PGR: variants seen among roughly 807,000 people sequenced by gnomAD.
PGR encodes nuclear receptor subfamily 3 group C member 3.
PGR carries 25 observed loss-of-function variants against 76.1 expected under a neutral mutation model. That is an observed-to-expected ratio of 0.33 (90% CI 0.24 to 0.46). The LOEUF is 0.46. Ranked by LOEUF, PGR falls within the 20% of genes least tolerant of loss-of-function variation. The probability of loss-of-function intolerance (pLI) is 1.00; values close to 1 mark genes in which losing one functional copy is unlikely to be tolerated. For synonymous variants in PGR, 579 were observed against 535.0 expected, an observed-to-expected ratio of 1.08 and a Z score of -1.14; for missense variants, 1,172 against 1,225.3, an observed-to-expected ratio of 0.96 and a Z score of 0.65.
chr11:101,080,607 G>A (rs1478228282), intron 3 of PGR, among the ~76,000 whole-genome samples: 1 of 152,126 alleles, frequency 6.6e-6, no homozygotes, highest in East Asian at 1.9e-4. Context: ...CTAAGGGATT[G>A]CACTAGCTTT....
At chr11:101,044,997 A>G (rs1184999767) in intron 6 of PGR, among the ~76,000 whole-genome samples, 1 of 152,044 alleles carries the variant, frequency 6.6e-6, no homozygotes, top group African/African-American at 2.4e-5. Flanking sequence ...TTGAGCCACC[A>G]TGCCCAGCCT....
intron 2 of PGR, among the ~76,000 whole-genome samples, chr11:101,105,626 C>A (rs1862132637): frequency 6.6e-6 from 1 of 151,234 alleles, no homozygotes. Flanking sequence ...TAGGAAGAAT[C>A]AATGTAGTGA....
At chr11:101,120,833 A>G (rs1862649679) in intron 2 of PGR, among the ~76,000 whole-genome samples, 1 of 152,200 alleles carries the variant, frequency 6.6e-6, no homozygotes, top group African/African-American at 2.4e-5. Context: ...TTAAAGTACA[A>G]TGATTCAGTG....
At position 101,129,085 on chromosome 11, in the gene PGR, C is replaced by T. The variant is rs1402020762; in HGVS notation, c.-15G>A. On this transcript the variant is annotated 5_prime_UTR_variant, in exon 1 of 8. Coordinates refer to ENST00000325455, the MANE Select transcript of PGR (RefSeq NM_000926.4). ...AGCTCAGTCATGACGACTGGACTCC[C>T]CTTTTCTCCTCCCCCGTCTCCAGGA... The T allele has an allele frequency of 5.3e-6, 8 of 1,496,222 alleles. No individual in the cohort carries two copies. Among genetic ancestry groups the T allele is most frequent in the Middle Eastern group, 1.8e-4 (1 of 5,702 alleles). The allele number at this position is 1,496,222 out of a possible 1,614,324, so 92.7% of individuals were successfully genotyped here.
chr11:101,033,296 G>C lies in PGR; in HGVS notation c.*5820C>G, dbSNP rs1186954750. 4.9e-6 allele frequency: 1 copy of C among 204,638 alleles called. No individual in the cohort carries two copies. Among genetic ancestry groups the C allele is most frequent in the Non-Finnish European group, 1.0e-5 (1 of 99,998 alleles). 12.7% of individuals were successfully genotyped at this position (204,638 alleles called of 1,614,324 possible). A position where few individuals can be genotyped will look rare whatever the true frequency, so the allele number is the denominator to read the frequency against. On this transcript the variant is annotated 3_prime_UTR_variant, in exon 8 of 8. Coordinates refer to ENST00000325455, the MANE Select transcript of PGR (RefSeq NM_000926.4). ...TTCTACCTTATGGAGAACAAGCAGA[G>C]CCACATCTCTGTTTCAACAAGAATA... is the stretch of plus-strand genomic sequence containing the variant.
At chr11:101,102,711 C>T (rs982388846) in intron 2 of PGR, among the ~76,000 whole-genome samples, 2 of 152,076 alleles carry the variant, frequency 1.3e-5, no homozygotes, top group African/African-American at 4.8e-5. Flanking sequence ...GACCAATATA[C>T]TAAGCATTTA....
At chr11:101,048,854 A>C (rs1859984713) in intron 6 of PGR, among the ~76,000 whole-genome samples, 1 of 152,046 alleles carries the variant, frequency 6.6e-6, no homozygotes, top group South Asian at 2.1e-4. Flanking sequence ...TAGTTTTTTA[A>C]CTTTTTGACT....
intron 4 of PGR, 97 bp from the exon 5 acceptor site, chr11:101,051,665 G>A: frequency 2.3e-6 from 2 of 877,828 alleles, no homozygotes; most frequent in South Asian, 1.4e-5. Context: ...GGTATGCGTA[G>A]GGTAATAAAA....
chr11:101,036,203 A>G lies in PGR; in HGVS notation c.*2913T>C, dbSNP rs892124944. On this transcript the variant is annotated 3_prime_UTR_variant, in exon 8 of 8. Coordinates refer to ENST00000325455, the MANE Select transcript of PGR (RefSeq NM_000926.4). ...AAGGCATAGTTTTGGCAAAAAAAAT[A>G]TTGTTCATCATATTTCCATATCATC... The G allele has an allele frequency of 2.3e-5, 5 of 221,070 alleles. No individual in the cohort carries two copies. Among genetic ancestry groups the G allele is most frequent in the Admixed American group, 5.8e-5 (1 of 17,356 alleles). 13.7% of individuals were successfully genotyped at this position (221,070 alleles called of 1,614,324 possible). A position where few individuals can be genotyped will look rare whatever the true frequency, so the allele number is the denominator to read the frequency against.
chr11:101,052,341 T>C (rs1282518789), intron 4 of PGR, among the ~76,000 whole-genome samples: 1 of 151,084 alleles, frequency 6.6e-6, no homozygotes, highest in African/African-American at 2.4e-5. Context: ...ATGGTGTGAA[T>C]GCTTTGGTCT....
At chr11:101,046,374 A>G (rs1859888452) in intron 6 of PGR, among the ~76,000 whole-genome samples, 1 of 135,154 alleles carries the variant, frequency 7.4e-6, no homozygotes, top group Non-Finnish European at 1.5e-5. Context: ...GCTGGTCTCA[A>G]ACTCCTGGGT....
chr11:101,078,475 G>T (rs1052510774), intron 3 of PGR, among the ~76,000 whole-genome samples: 3 of 152,042 alleles, frequency 2.0e-5, no homozygotes, highest in Non-Finnish European at 4.4e-5. Context: ...TTTTTTGTGA[G>T]TCATTAAACA....
chr11:101,062,407 A>G (rs936656256), intron 4 of PGR, 40 bp downstream of exon 4: 2 of 1,426,916 alleles, frequency 1.4e-6, no homozygotes, highest in Non-Finnish European at 2.0e-6. Context: ...CAAACATAGT[A>G]TATTTTTTAT....
Position 101,060,563 on chromosome 11 carries a change from C to A in PGR, c.2212+1884G>T, listed in dbSNP as rs1860455183. On this transcript the variant is annotated intron_variant, in intron 4 of 7. Transcript: ENST00000325455. ...GTAGCTAATAATACTAAAGTACTTTCTATACATGTGTCCATCCAAGTCCTT... is the reference window on the plus strand; with the variant it reads ...GTAGCTAATAATACTAAAGTACTTTATATACATGTGTCCATCCAAGTCCTT... 2.0e-5 allele frequency among the ~76,000 whole-genome samples: 3 copies of A among 152,322 alleles called. No homozygotes were observed. The South Asian group carries it at 6.2e-4, about 32-fold the overall frequency.
At chr11:101,126,268 A>C in intron 1 of PGR, 110 bp from the exon 2 acceptor site, 3 of 970,706 alleles carry the variant, frequency 3.1e-6, no homozygotes, top group Non-Finnish European at 4.8e-6. Context: ...TAAAAACAGA[A>C]CTGTATATAT....
At chr11:101,124,210 G>A (rs1408657608) in intron 2 of PGR, among the ~76,000 whole-genome samples, 3 of 152,120 alleles carry the variant, frequency 2.0e-5, no homozygotes, top group Admixed American at 1.3e-4. Flanking sequence ...GCCAACAGCC[G>A]GAGTCCAACA....
chr11:101,050,318 T>A (rs1860042586), intron 5 of PGR, among the ~76,000 whole-genome samples: 1 of 152,118 alleles, frequency 6.6e-6, no homozygotes, highest in Admixed American at 6.6e-5. Flanking sequence ...AGATTAACAT[T>A]GTTTCTCACT....
chr11:101,039,006 TA>T lies in PGR; in HGVS notation c.*109del. 1.3e-6 allele frequency: 1 copy of T among 763,526 alleles called. No homozygotes were observed. The highest frequency in any genetic ancestry group is 2.2e-6 in the Non-Finnish European group (1 of 458,684). 47.3% of individuals were successfully genotyped at this position (763,526 alleles called of 1,614,324 possible). Reference sequence around the variant, plus strand: ...TTTAAATTTACACACTATGATGTTATAAATGTAAGGCTTTCAGAAGAACATT... The same window carrying T: ...TTTAAATTTACACACTATGATGTTATAATGTAAGGCTTTCAGAAGAACATT... On this transcript the variant is annotated 3_prime_UTR_variant, in exon 8 of 8. Transcript: ENST00000325455.
At chr11:101,042,250 T>C in intron 6 of PGR, 148 bp from the exon 7 acceptor site, 1 of 699,792 alleles carries the variant, frequency 1.4e-6, no homozygotes, top group Non-Finnish European at 2.4e-6. Context: ...ATAGTGTTAT[T>C]GATATCACTA....
Sources: gnomAD v4.1 joint callset for allele counts (sites outside exome capture counted in the v4.1 genomes callset) on GRCh38, gnomAD v4.1.1 for gene constraint, MANE v1.5 for transcripts, NCBI Gene and HGNC (gene_info 2026-07-23, HGNC 2026-07-21) for gene names.